Variants in RCAN2 observed in about 807,000 individuals in gnomAD.
RCAN2 encodes calcipressin-2.
In RCAN2, 9 loss-of-function variants were observed where a neutral mutation model predicts 23.6. The ratio of observed to expected loss-of-function variants is 0.38; its 90% CI spans 0.23 to 0.67. RCAN2 has a LOEUF of 0.67. Ranked by LOEUF, RCAN2 falls within the 30% of genes least tolerant of loss-of-function variation. The probability of loss-of-function intolerance (pLI) is 0.51; values close to 1 mark genes in which losing one functional copy is unlikely to be tolerated. For missense variants in RCAN2, 273 were observed against 302.3 expected, an observed-to-expected ratio of 0.90 and a Z score of 0.72; for synonymous variants, 109 against 115.7, an observed-to-expected ratio of 0.94 and a Z score of 0.37.
At chr6:46,354,301 C>T (rs186642450) in intron 2 of RCAN2, among the ~76,000 whole-genome samples, 11 of 150,632 alleles carry the variant, frequency 7.3e-5, no homozygotes, top group Admixed American at 4.0e-4. Flanking sequence ...ACAGCACTTT[C>T]GGCAGAAGTT....
intron 2 of RCAN2, among the ~76,000 whole-genome samples, chr6:46,280,179 G>C (rs1200798866): frequency 6.6e-6 from 1 of 152,116 alleles, no homozygotes; most frequent in East Asian, 1.9e-4. Flanking sequence ...TCTGAGCAGT[G>C]CCATAATATC....
intron 2 of RCAN2, among the ~76,000 whole-genome samples, chr6:46,420,553 T>G (rs960678680): frequency 1.3e-5 from 2 of 151,454 alleles, no homozygotes; most frequent in African/African-American, 4.9e-5. Context: ...ACTTTTTTTT[T>G]TTTTTTTTTG....
At chr6:46,411,741 T>C (rs1226311264) in intron 2 of RCAN2, among the ~76,000 whole-genome samples, 1 of 152,150 alleles carries the variant, frequency 6.6e-6, no homozygotes, top group Non-Finnish European at 1.5e-5. Flanking sequence ...TTAAAAGAAG[T>C]ACCTAATCTT....
intron 2 of RCAN2, among the ~76,000 whole-genome samples, chr6:46,441,930 T>C (rs1405109876): frequency 6.6e-6 from 1 of 152,202 alleles, no homozygotes; most frequent in Non-Finnish European, 1.5e-5. Context: ...TTAATAGAAC[T>C]GGCACTCAGC....
chr6:46,389,963 C>G (rs1311238851), intron 2 of RCAN2, among the ~76,000 whole-genome samples: 3 of 150,820 alleles, frequency 2.0e-5, no homozygotes, highest in Admixed American at 6.6e-5. Context: ...TGATCCTTTA[C>G]CAAATGAAAT....
intron 2 of RCAN2, among the ~76,000 whole-genome samples, chr6:46,441,350 C>A (rs1410831361): frequency 2.0e-5 from 3 of 152,198 alleles, no homozygotes; most frequent in African/African-American, 7.2e-5. Context: ...GAATCCAACA[C>A]CCACATCATG....
Position 46,439,027 on chromosome 6 carries a change from G to T in RCAN2, c.225+17725C>A, listed in dbSNP as rs139784771. ...TATCTTAGAATATAATATCTTTCAG[G>T]GTTATGTTCATTAAAAAGAAGATTC... On this transcript the variant is annotated intron_variant, in intron 2 of 4. Transcript: ENST00000371374. 1.1e-4 allele frequency among the ~76,000 whole-genome samples: 16 copies of T among 152,122 alleles called. No individual in the cohort carries two copies. The East Asian group carries it at 2.7e-3, about 26-fold the overall frequency.
intron 2 of RCAN2, among the ~76,000 whole-genome samples, chr6:46,418,035 C>T (rs1285054645): frequency 3.3e-5 from 5 of 152,062 alleles, no homozygotes; most frequent in Non-Finnish European, 5.9e-5. Flanking sequence ...CTCACAAATC[C>T]CACCTTTGTT....
At chr6:46,226,372 G>C (rs1765664242) in intron 4 of RCAN2, among the ~76,000 whole-genome samples, 1 of 152,110 alleles carries the variant, frequency 6.6e-6, no homozygotes, top group Non-Finnish European at 1.5e-5. Flanking sequence ...AAATTACCTT[G>C]GGCAGTATGG....
At chr6:46,423,089 C>T (rs1766928374) in intron 2 of RCAN2, among the ~76,000 whole-genome samples, 2 of 152,066 alleles carry the variant, frequency 1.3e-5, no homozygotes, top group Admixed American at 6.6e-5. Flanking sequence ...GTATCTAGTG[C>T]CTTGGTGAAG....
At chr6:46,318,447 TGTA>T (rs1340302336) in intron 2 of RCAN2, among the ~76,000 whole-genome samples, 1 of 152,182 alleles carries the variant, frequency 6.6e-6, no homozygotes, top group Non-Finnish European at 1.5e-5. Flanking sequence ...GAATAACTGT[TGTA>T]GTACTAGACT....
intron 2 of RCAN2, among the ~76,000 whole-genome samples, chr6:46,391,314 T>C (rs1317909124): frequency 6.6e-6 from 1 of 152,292 alleles, no homozygotes; most frequent in African/African-American, 2.4e-5. Flanking sequence ...ATTGAGATCA[T>C]GAAAGCAAAG....
At chr6:46,345,334 T>C (rs1461304644) in intron 2 of RCAN2, among the ~76,000 whole-genome samples, 1 of 151,942 alleles carries the variant, frequency 6.6e-6, no homozygotes, top group Non-Finnish European at 1.5e-5. Context: ...CAGAAATTGA[T>C]AGAAAAAAAA....
intron 2 of RCAN2, among the ~76,000 whole-genome samples, chr6:46,280,234 G>C (rs1767857712): frequency 6.6e-6 from 1 of 152,138 alleles, no homozygotes; most frequent in African/African-American, 2.4e-5. Flanking sequence ...TTTTGAATTG[G>C]AGAAGTCAGA....
At chr6:46,458,902 T>C (rs1292258936) in intron 1 of RCAN2, among the ~76,000 whole-genome samples, 104 of 136,534 alleles carry the variant, frequency 7.6e-4, no homozygotes, top group African/African-American at 2.6e-3. Context: ...CGCACGTGTG[T>C]GTGTGTGTGA....
chr6:46,490,846 C>G (rs1310099405), intron 1 of RCAN2, among the ~76,000 whole-genome samples: 1 of 152,146 alleles, frequency 6.6e-6, no homozygotes, highest in Non-Finnish European at 1.5e-5. Flanking sequence ...GCACCTGCTG[C>G]TGCTTCCAGG....
chr6:46,238,199 A>C (rs376109901), intron 4 of RCAN2, among the ~76,000 whole-genome samples: 47 of 152,286 alleles, frequency 3.1e-4, no homozygotes, highest in African/African-American at 9.9e-4. Flanking sequence ...GGCATAGAGG[A>C]GTGAGGAAAG....
At chr6:46,481,720 A>G (rs1768864639) in intron 1 of RCAN2, among the ~76,000 whole-genome samples, 1 of 152,064 alleles carries the variant, frequency 6.6e-6, no homozygotes. Flanking sequence ...AATTATTACT[A>G]TTGGCCTCCT....
chr6:46,405,856 A>T (rs1766385246), intron 2 of RCAN2, among the ~76,000 whole-genome samples: 1 of 152,150 alleles, frequency 6.6e-6, no homozygotes, highest in African/African-American at 2.4e-5. Context: ...ACAGGAGCCC[A>T]TGGAGTGGGT....
Sources: gnomAD v4.1 joint callset for allele counts (sites outside exome capture counted in the v4.1 genomes callset) on GRCh38, gnomAD v4.1.1 for gene constraint, MANE v1.5 for transcripts, NCBI Gene and HGNC (gene_info 2026-07-23, HGNC 2026-07-21) for gene names.